CTNNA3: variants seen among roughly 807,000 people sequenced by gnomAD.
The protein encoded by CTNNA3 is catenin alpha-3.
In CTNNA3, 76 loss-of-function variants were observed where a neutral mutation model predicts 95.7. The ratio of observed to expected loss-of-function variants is 0.79; its 90% CI spans 0.66 to 0.96. CTNNA3 has a LOEUF of 0.96. Ranked by LOEUF, CTNNA3 falls within the 40% of genes least tolerant of loss-of-function variation. The probability of loss-of-function intolerance (pLI) is 0.00; values close to 1 mark genes in which losing one functional copy is unlikely to be tolerated. For missense variants in CTNNA3, 1,191 were observed against 1,089.8 expected (o/e 1.09, Z -1.31); for synonymous variants, 431 against 374.4 (o/e 1.15, Z -1.74).
intron 15 of CTNNA3, among the ~76,000 whole-genome samples, chr10:66,059,142 T>C (rs1475319326): frequency 6.6e-6 from 1 of 152,086 alleles, no homozygotes; most frequent in East Asian, 1.9e-4. Context: ...ATATTGATCT[T>C]CATATTTTCA....
intron 10 of CTNNA3, among the ~76,000 whole-genome samples, chr10:66,590,411 T>C (rs1025277398): frequency 2.0e-5 from 3 of 152,206 alleles, no homozygotes; most frequent in African/African-American, 7.2e-5. Flanking sequence ...GCAAAATACA[T>C]GTTACATATT....
chr10:67,206,595 A>G (rs1863910606), intron 6 of CTNNA3, among the ~76,000 whole-genome samples: 1 of 151,906 alleles, frequency 6.6e-6, no homozygotes, highest in African/African-American at 2.4e-5. Context: ...AGGAAGAAAA[A>G]CAAAGAACAG....
At chr10:66,967,517 TA>T (rs1300761930) in intron 7 of CTNNA3, among the ~76,000 whole-genome samples, 9 of 151,910 alleles carry the variant, frequency 5.9e-5, no homozygotes, top group Non-Finnish European at 1.3e-4. Flanking sequence ...CCCTCAGCAA[TA>T]CAAGATTTCA....
At chr10:66,568,984 T>C (rs1842790370) in intron 10 of CTNNA3, among the ~76,000 whole-genome samples, 1 of 151,976 alleles carries the variant, frequency 6.6e-6, no homozygotes, top group Admixed American at 6.6e-5. Context: ...ACTCTGACTA[T>C]AGCAAAGGAT....
At chr10:66,938,652 T>C (rs932923566) in intron 7 of CTNNA3, among the ~76,000 whole-genome samples, 3 of 152,088 alleles carry the variant, frequency 2.0e-5, no homozygotes, top group Non-Finnish European at 2.9e-5. Context: ...CAAACCCATA[T>C]TGTCCAAAGG....
rs76653784 is a variant in CTNNA3, at chr10:67,477,565, C to T, written c.579+44277G>A. ...GCCAGTAAAGTGCAGCCCTATAGTG[C>T]GTAGGGCTATAACAGAAAAGCCAAA... On this transcript the variant is annotated intron_variant, in intron 5 of 17. Coordinates refer to ENST00000433211, the MANE Select transcript of CTNNA3 (RefSeq NM_013266.4). 0.029 allele frequency among the ~76,000 whole-genome samples: 4,449 copies of T among 152,172 alleles called. 412 individuals carry two copies. In the East Asian group the frequency reaches 0.34, roughly 12 times the overall value.
chr10:66,415,550 A>G (rs566542755), intron 11 of CTNNA3, among the ~76,000 whole-genome samples: 2 of 152,250 alleles, frequency 1.3e-5, no homozygotes, highest in South Asian at 2.1e-4. Flanking sequence ...AGCCACCTGA[A>G]GGAACAAAAA....
chr10:67,289,777 TGGACGGATGGATGGATGG>T (rs1564538418), intron 5 of CTNNA3, among the ~76,000 whole-genome samples: 1 of 139,192 alleles, frequency 7.2e-6, no homozygotes, highest in African/African-American at 3.4e-5. Flanking sequence ...GATGGATGGA[TGGACGGATGGATGGATGG>T]TTGATGGATG....
intron 16 of CTNNA3, among the ~76,000 whole-genome samples, chr10:65,968,484 C>T (rs934318214): frequency 3.9e-5 from 6 of 152,194 alleles, no homozygotes; most frequent in Non-Finnish European, 8.8e-5. Context: ...ACTCTCTTTG[C>T]TCCATACCCA....
At chr10:67,112,233 T>C (rs1173305581) in intron 7 of CTNNA3, among the ~76,000 whole-genome samples, 1 of 152,188 alleles carries the variant, frequency 6.6e-6, no homozygotes, top group East Asian at 1.9e-4. Flanking sequence ...ATCATATGCT[T>C]CCATTAAAAT....
chr10:67,722,727 C>T (rs1459781746), intron 1 of CTNNA3, among the ~76,000 whole-genome samples: 1 of 152,150 alleles, frequency 6.6e-6, no homozygotes, highest in East Asian at 1.9e-4. Flanking sequence ...TTTATATCAA[C>T]TCTTATCCCT....
intron 7 of CTNNA3, among the ~76,000 whole-genome samples, chr10:66,801,369 A>G (rs1284338491): frequency 6.6e-6 from 1 of 151,440 alleles, no homozygotes; most frequent in African/African-American, 2.4e-5. Flanking sequence ...AACAAAGTAA[A>G]ATCATGTGAA....
chr10:67,554,114 A>T (rs1841140058), intron 3 of CTNNA3, among the ~76,000 whole-genome samples: 1 of 152,218 alleles, frequency 6.6e-6, no homozygotes, highest in Non-Finnish European at 1.5e-5. Flanking sequence ...GCTGCATAGT[A>T]TTCCATGGGG....
In CTNNA3 at chr10:66,212,192, A is replaced by T. The variant is rs189866449; in HGVS notation, c.1884+68278T>A. 4.7e-4 allele frequency among the ~76,000 whole-genome samples: 71 copies of T among 151,732 alleles called. No homozygotes were observed. In the East Asian group the frequency reaches 0.013, roughly 28 times the overall value. On this transcript the variant is annotated intron_variant, in intron 13 of 17. Coordinates refer to ENST00000433211, the MANE Select transcript of CTNNA3 (RefSeq NM_013266.4). ...TTTAGTACAGACGGGGTTTCACCATATTGGTCAGGCTGATCTCAAACTCCT... is the reference window on the plus strand; with the variant it reads ...TTTAGTACAGACGGGGTTTCACCATTTTGGTCAGGCTGATCTCAAACTCCT...
intron 7 of CTNNA3, among the ~76,000 whole-genome samples, chr10:66,843,613 G>A (rs771294585): frequency 9.9e-5 from 15 of 152,220 alleles, no homozygotes; most frequent in Non-Finnish European, 1.6e-4. Flanking sequence ...ACTTGACAGA[G>A]TAGGGAAAGC....
chr10:66,326,676 A>G (rs545747761), intron 12 of CTNNA3, among the ~76,000 whole-genome samples: 5 of 152,194 alleles, frequency 3.3e-5, no homozygotes, highest in Non-Finnish European at 7.4e-5. Flanking sequence ...ATATTAATAG[A>G]TGTACATTAA....
chr10:66,987,402 G>C (rs548873436), intron 7 of CTNNA3, among the ~76,000 whole-genome samples: 13 of 152,288 alleles, frequency 8.5e-5, no homozygotes, highest in African/African-American at 3.1e-4. Context: ...ATGATTTCTT[G>C]ATGATAGAAT....
At chr10:67,176,802 A>T in intron 7 of CTNNA3, 1 of 394,704 alleles carries the variant, frequency 2.5e-6, no homozygotes, top group Non-Finnish European at 5.0e-6. Context: ...TCAGAGAAAC[A>T]TGACGTTGCT....
At chr10:66,247,702 T>C (rs1046936434) in intron 13 of CTNNA3, among the ~76,000 whole-genome samples, 3 of 152,148 alleles carry the variant, frequency 2.0e-5, no homozygotes, top group Admixed American at 6.5e-5. Flanking sequence ...ATATTTAAAG[T>C]GTTGAAGGAA....
Sources: allele counts gnomAD v4.1 joint callset (sites outside exome capture counted in the v4.1 genomes callset), GRCh38; gene constraint gnomAD v4.1.1; transcripts MANE v1.5; gene names NCBI Gene and HGNC (gene_info 2026-07-23, HGNC 2026-07-21).